Variants in ERAP2 observed in about 807,000 individuals in gnomAD.
ERAP2 encodes the protein leukocyte-derived arginine aminopeptidase.
A neutral mutation model predicts 111.1 loss-of-function variants in ERAP2; 118 were observed. The ratio of observed to expected loss-of-function variants is 1.06; its 90% CI spans 0.92 to 1.24. The LOEUF is 1.24. Among genes scored for constraint, ERAP2 ranks in the 50% most tolerant of loss-of-function variants. ERAP2 has a pLI of 0.00. For missense variants in ERAP2, 1,131 were observed against 1,125.8 expected, an observed-to-expected ratio of 1.00 and a Z score of -0.07; for synonymous variants, 410 against 401.2, an observed-to-expected ratio of 1.02 and a Z score of -0.26.
At position 96,903,523 on chromosome 5, in the gene ERAP2, A is replaced by C. The variant is rs1164585162; in HGVS notation, c.1975A>C (p.Arg659=). Residue 659 remains arginine, a synonymous_variant, in exon 13 of 19, where the codon AGA becomes CGA. Coordinates refer to ENST00000437043, the MANE Select transcript of ERAP2 (RefSeq NM_022350.5). ...CCACACACTTCTCAGACCTAAGGAC[A>C]GAGTAGGTCTGATTCATGATGTGTT... The part of the protein sequence containing the change: ...QNHTLLRPKD[R]VGLIHDVFQL... 6.2e-7 allele frequency: 1 copy of C among 1,610,796 alleles called. No homozygotes were observed. The highest frequency in any genetic ancestry group is 8.5e-7 in the Non-Finnish European group (1 of 1,179,126).
At position 96,917,581 on chromosome 5, in the gene ERAP2, G is replaced by A; in HGVS notation, c.2859G>A (p.Arg953=). ...KWLEKNLPTL[R]TWLMVNT is the part of the protein sequence containing the mutation. ...TGGAGAAGAATCTTCCGACTCTGAG[G>A]ACTTGGCTAATGGTTAATACTTAAA... is the stretch of plus-strand genomic sequence containing the variant. The change falls in exon 19 of 19, where the codon AGG becomes AGA. Residue 953 remains arginine (R), a synonymous_variant. Transcript: ENST00000437043. 6.2e-7 allele frequency: 1 copy of A among 1,612,892 alleles called. No homozygotes were observed. The highest frequency in any genetic ancestry group is 8.5e-7 in the Non-Finnish European group (1 of 1,179,290).
chr5:96,905,782 GC>G (rs967074513), intron 13 of ERAP2, among the ~76,000 whole-genome samples: 2 of 152,110 alleles, frequency 1.3e-5, no homozygotes, highest in Non-Finnish European at 2.9e-5. Context: ...TACTTGGGTG[GC>G]TGAGGCACAT....
chr5:96,902,801 T>A (rs1285146101), intron 12 of ERAP2: 1 of 156,798 alleles, frequency 6.4e-6, no homozygotes, highest in Non-Finnish European at 1.4e-5. Context: ...TTATGTTGAA[T>A]AAAGACTAAA....
intron 1 of ERAP2, among the ~76,000 whole-genome samples, chr5:96,878,756 C>T (rs1022298207): frequency 6.6e-6 from 1 of 151,962 alleles, no homozygotes; most frequent in South Asian, 2.1e-4. Context: ...GGTGAAACCC[C>T]GTCTCTACTA....
chr5:96,915,607 C>T (rs190597743), intron 17 of ERAP2, 81 bp from the exon 18 acceptor site: 138 of 702,092 alleles, frequency 2.0e-4, no homozygotes, highest in Admixed American at 8.4e-4. Context: ...TATTAATATA[C>T]ATTAAAAATA....
chr5:96,913,006 T>G (rs1240839524), intron 16 of ERAP2, among the ~76,000 whole-genome samples: 3 of 152,214 alleles, frequency 2.0e-5, no homozygotes, highest in Non-Finnish European at 4.4e-5. Context: ...TGATTGAGAC[T>G]AGACAAGCGG....
chr5:96,908,255 C>T (rs547646894), intron 13 of ERAP2, among the ~76,000 whole-genome samples: 1 of 152,248 alleles, frequency 6.6e-6, no homozygotes, highest in South Asian at 2.1e-4. Context: ...AACATAGCCT[C>T]CCAGAAACAC....
At chr5:96,882,642 A>T (rs1456604302) in intron 2 of ERAP2, among the ~76,000 whole-genome samples, 2 of 152,126 alleles carry the variant, frequency 1.3e-5, no homozygotes, top group Admixed American at 1.3e-4. Context: ...TTGTTTTTTC[A>T]ATGTAGACTT....
At chr5:96,891,531 T>TAC (rs1364698847) in intron 5 of ERAP2, among the ~76,000 whole-genome samples, 4 of 67,486 alleles carry the variant, frequency 5.9e-5, no homozygotes, top group East Asian at 7.5e-4. Flanking sequence ...ATATACGGTA[T>TAC]ATATACACAC....
chr5:96,908,457 G>A (rs1370069577), intron 13 of ERAP2, among the ~76,000 whole-genome samples: 8 of 152,124 alleles, frequency 5.3e-5, no homozygotes, highest in South Asian at 4.1e-4. Context: ...AATGATTACC[G>A]CTTCTCTGAT....
intron 9 of ERAP2, among the ~76,000 whole-genome samples, chr5:96,898,364 C>T (rs1460941598): frequency 2.0e-5 from 3 of 151,846 alleles, no homozygotes; most frequent in Non-Finnish European, 4.4e-5. Context: ...ATCCAACAAT[C>T]AAAAATTATT....
At chr5:96,904,100 G>A (rs1198994910) in intron 13 of ERAP2, among the ~76,000 whole-genome samples, 3 of 152,226 alleles carry the variant, frequency 2.0e-5, no homozygotes, top group East Asian at 3.8e-4. Context: ...GGGTTGTTAT[G>A]AAATCTATTC....
intron 18 of ERAP2, 84 bp downstream of exon 18, chr5:96,915,853 G>A: frequency 8.4e-7 from 1 of 1,188,822 alleles, no homozygotes; most frequent in Middle Eastern, 2.0e-4. Context: ...AATCTGATTT[G>A]AAGTTCTCAT....
chr5:96,914,148 T>TCTCACACACACACACACACACACA lies in ERAP2; in HGVS notation c.2657+692_2657+693insTCACACACACACACACACACACAC, dbSNP rs34158080. The stretch of plus-strand genomic sequence containing the variant: ...CTTTCTGTCTCTCTCTCTCTCTCTC[T>TCTCACACACACACACACACACACA]CACACACACACACACACACAATCAC... On this transcript the variant is annotated intron_variant, in intron 17 of 18. Transcript: ENST00000437043. Among the ~76,000 whole-genome samples, 42 of 148,080 alleles carry TCTCACACACACACACACACACACA rather than the reference T, an allele frequency of 2.8e-4. 1 individual carries two copies. The East Asian group carries it at 4.6e-3, about 16-fold the overall frequency.
chr5:96,887,970 C>T (rs964337921), intron 4 of ERAP2, among the ~76,000 whole-genome samples: 2 of 151,574 alleles, frequency 1.3e-5, no homozygotes, highest in Non-Finnish European at 2.9e-5. Flanking sequence ...ACTAAAAATA[C>T]AAAAATTAGC....
At chr5:96,911,615 G>C (rs143189349) in intron 15 of ERAP2, among the ~76,000 whole-genome samples, 1 of 152,112 alleles carries the variant, frequency 6.6e-6, no homozygotes, top group African/African-American at 2.4e-5. Context: ...GCCAAGTGCC[G>C]TAGCTCATGC....
intron 17 of ERAP2, among the ~76,000 whole-genome samples, chr5:96,914,657 G>A (rs1334550322): frequency 1.3e-5 from 2 of 152,182 alleles, no homozygotes; most frequent in East Asian, 3.8e-4. Flanking sequence ...AGCTGTAACT[G>A]TGCTCTGCTT....
intron 7 of ERAP2, 39 bp from the exon 8 acceptor site, chr5:96,896,334 A>C (rs1189283655): frequency 6.5e-7 from 1 of 1,541,504 alleles, no homozygotes; most frequent in Admixed American, 1.7e-5. Flanking sequence ...TTACAGTGTC[A>C]AATAGAAACT....
rs899895372 is a variant in ERAP2, at chr5:96,896,452, C to T, written c.1319C>T (p.Ala440Val). The T allele has an allele frequency of 6.2e-6, 10 of 1,613,506 alleles. No homozygotes were observed. The highest frequency in any genetic ancestry group is 1.7e-4 in the Middle Eastern group (1 of 6,056). ...LNSSRPISKPAETPTQIQEMF... is the reference protein window; with the variant it reads ...LNSSRPISKPVETPTQIQEMF... ...TCATCCCGCCCTATCTCCAAACCAG[C>T]GGAAACCCCGACTCAAATACAGGAA... The change falls in exon 8 of 19, where the codon GCG becomes GTG. Residue 440 changes from alanine to valine, a missense_variant. Physicochemically the swap from Ala to Val is moderately conservative, Grantham distance 64. This residue lies in a region of ERAP2 where 847 missense variants were observed against 856.5 expected (regional missense o/e 0.99). Coordinates refer to ENST00000437043, the MANE Select transcript of ERAP2 (RefSeq NM_022350.5).
Sources: gnomAD v4.1 joint callset for allele counts (sites outside exome capture counted in the v4.1 genomes callset) on GRCh38, gnomAD v4.1.1 for gene constraint, gnomAD v4.1.1 regional missense constraint, MANE v1.5 for transcripts, NCBI Gene and HGNC (gene_info 2026-07-23, HGNC 2026-07-21) for gene names.